The following TNFRSF8 variants were observed in gnomAD, a reference collection of about 807,000 sequenced individuals.
TNFRSF8 encodes tumor necrosis factor receptor superfamily member 8.
TNFRSF8 carries 26 observed loss-of-function variants against 70.8 expected under a neutral mutation model. The observed-to-expected ratio is 0.37, with a 90% CI of 0.27 to 0.51. The LOEUF is 0.51. Ranked by LOEUF, TNFRSF8 falls within the 20% of genes least tolerant of loss-of-function variation. The pLI is 0.94. For missense variants in TNFRSF8, 720 were observed against 807.9 expected (o/e 0.89, Z 1.32); for synonymous variants, 356 against 339.2 (o/e 1.05, Z -0.54).
rs11569874 is a variant in TNFRSF8 at position 12,109,938 on chromosome 1, A to G, written c.513-103A>G. 4,547 of 1,421,642 alleles carry G rather than the reference A, an allele frequency of 3.2e-3. 140 individuals are homozygous for G. The African/African-American group carries it at 0.057, about 18-fold the overall frequency. The allele number at this position is 1,421,642 out of a possible 1,614,324, so 88.1% of individuals were successfully genotyped here. A position where few individuals can be genotyped will look rare whatever the true frequency, so the allele number is the denominator to read the frequency against. ...GTGGGCCCGCCAGAGGCAGTGGGCC[A>G]AGGGCCTGGGACCCCATCTCTGTGG... is the stretch of plus-strand genomic sequence containing the variant. On this transcript the variant is annotated intron_variant, in intron 5 of 14. Transcript: ENST00000263932. This position sits in a 1 kb window ranked among gnomAD's most constrained non-coding sequence, Gnocchi z 4.4.
rs1383212967 is a variant in TNFRSF8 at position 12,141,337 on chromosome 1, G to A, written c.1544-950G>A. 3.9e-5 allele frequency among the ~76,000 whole-genome samples: 6 copies of A among 152,180 alleles called. No individual in the cohort carries two copies. The highest frequency in any genetic ancestry group is 4.1e-4 in the South Asian group (2 of 4,824). On this transcript the variant is annotated intron_variant, in intron 14 of 14. Transcript: ENST00000263932. This position sits in a 1 kb window ranked among gnomAD's most constrained non-coding sequence, Gnocchi z 5.4. ...CTGAGCCAGACACCATCAGCTGGGC[G>A]GAGGCCAGGCTTCCCCACTCCCCAG...
At chr1:12,123,684 C>T in intron 9 of TNFRSF8, 31 bp from the exon 10 acceptor site, 1 of 1,525,704 alleles carries the variant, frequency 6.6e-7, no homozygotes, top group Non-Finnish European at 8.9e-7. Context: ...TTCCCATCTT[C>T]ATCACTCCTG....
intron 3 of TNFRSF8, among the ~76,000 whole-genome samples, chr1:12,097,803 A>G (rs985665284): frequency 6.6e-6 from 1 of 152,182 alleles, no homozygotes; most frequent in Admixed American, 6.6e-5. Flanking sequence ...AATAAATAAT[A>G]AATGATCATG....
At chr1:12,122,740 C>T (rs1464452027) in intron 8 of TNFRSF8, among the ~76,000 whole-genome samples, 1 of 152,004 alleles carries the variant, frequency 6.6e-6, no homozygotes, top group Non-Finnish European at 1.5e-5. Flanking sequence ...AAACATTAGG[C>T]GATTTCAGTT....
Position 12,142,524 on chromosome 1 carries a change from G to A in TNFRSF8, c.1781G>A (p.Gly594Glu). ...KEDPLPTAAS[G>E]K Reference sequence around the variant, plus strand: ...GACCCCTTGCCCACAGCTGCCTCTGGAAAGTGAGGCCTGGGCTGGGCTGGG... The same window carrying A: ...GACCCCTTGCCCACAGCTGCCTCTGAAAAGTGAGGCCTGGGCTGGGCTGGG... The change falls in exon 15 of 15, where the codon GGA becomes GAA. Residue 594 changes from glycine to glutamate, a missense_variant. Physicochemically the swap from Gly to Glu is moderately conservative, Grantham distance 98 (BLOSUM62 -2). Transcript: ENST00000263932. The surrounding 1 kb of genome is among the most constrained non-coding windows in gnomAD (Gnocchi z 5.0). 6.4e-7 allele frequency: 1 copy of A among 1,567,188 alleles called. No individual in the cohort carries two copies. The highest frequency in any genetic ancestry group is 8.7e-7 in the Non-Finnish European group (1 of 1,156,022).
At chr1:12,075,251 A>AT (rs529160161) in intron 1 of TNFRSF8, among the ~76,000 whole-genome samples, 52,073 of 143,558 alleles carry the variant, frequency 0.36, 9,718 homozygotes, top group Admixed American at 0.51. Context: ...CAAAAAAAAA[A>AT]TTTTTTTTTT....
At chr1:12,081,944 CCTCTTGCCTCACTTCCTGCTTCCCTT>C (rs1259771455) in intron 1 of TNFRSF8, among the ~76,000 whole-genome samples, 15,676 of 149,862 alleles carry the variant, frequency 0.1, 1,874 homozygotes, top group African/African-American at 0.16. Flanking sequence ...TTCCTCCCTG[CCTCTTGCCTCACTTCCTGCTTCCCTT>C]CTCTTGCCTC....
chr1:12,104,677 GAT>G (rs1641489207), intron 4 of TNFRSF8, 146 bp downstream of exon 4: 1 of 1,031,430 alleles, frequency 9.7e-7, no homozygotes. Flanking sequence ...ATGGGCCAGG[GAT>G]GTACCCAGCA....
intron 2 of TNFRSF8, among the ~76,000 whole-genome samples, chr1:12,084,943 A>T (rs1024666380): frequency 3.3e-5 from 5 of 152,156 alleles, no homozygotes; most frequent in Admixed American, 2.6e-4. Context: ...GTTAAGTTCC[A>T]GCTACTTCCC....
At chr1:12,102,781 C>T (rs916047677) in intron 3 of TNFRSF8, among the ~76,000 whole-genome samples, 1 of 152,168 alleles carries the variant, frequency 6.6e-6, no homozygotes, top group Admixed American at 6.5e-5. Context: ...CCACCTCGGC[C>T]TCCCAAAGTG....
chr1:12,117,049 G>A (rs1043383417), intron 8 of TNFRSF8, among the ~76,000 whole-genome samples: 2 of 152,122 alleles, frequency 1.3e-5, no homozygotes, highest in Non-Finnish European at 2.9e-5. Context: ...TTGCACAGAT[G>A]ATGCCTGAGT....
chr1:12,095,971 G>A (rs1329269933), intron 2 of TNFRSF8, among the ~76,000 whole-genome samples: 1 of 152,212 alleles, frequency 6.6e-6, no homozygotes, highest in East Asian at 1.9e-4. Flanking sequence ...TGATGACCTG[G>A]GCAGCTCTGG....
intron 8 of TNFRSF8, among the ~76,000 whole-genome samples, chr1:12,117,047 A>G (rs1484570462): frequency 6.6e-6 from 1 of 152,126 alleles, no homozygotes; most frequent in Non-Finnish European, 1.5e-5. Flanking sequence ...GTTTGCACAG[A>G]TGATGCCTGA....
intron 2 of TNFRSF8, among the ~76,000 whole-genome samples, chr1:12,092,313 A>T (rs1234169999): frequency 6.6e-6 from 1 of 151,618 alleles, no homozygotes; most frequent in Non-Finnish European, 1.5e-5. Flanking sequence ...CTGAGTAGCT[A>T]GGAGTACAAT....
intron 13 of TNFRSF8, among the ~76,000 whole-genome samples, chr1:12,136,852 T>G (rs1281225801): frequency 1.3e-5 from 2 of 150,120 alleles, no homozygotes; most frequent in Non-Finnish European, 3.0e-5. Context: ...GAATTTCCAC[T>G]TTGAAAAATA....
chr1:12,132,882 G>A (rs1268427970), intron 12 of TNFRSF8, among the ~76,000 whole-genome samples: 1 of 150,750 alleles, frequency 6.6e-6, no homozygotes. Context: ...TTTACCACTG[G>A]GCACCTTCAC....
intron 12 of TNFRSF8, among the ~76,000 whole-genome samples, chr1:12,128,227 C>A (rs967555438): frequency 5.9e-5 from 9 of 152,244 alleles, no homozygotes; most frequent in African/African-American, 2.2e-4. Context: ...TGTTCTAGCT[C>A]CCTCCAAGCT....
intron 14 of TNFRSF8, among the ~76,000 whole-genome samples, chr1:12,140,537 G>A (rs1328900120): frequency 6.6e-6 from 1 of 152,178 alleles, no homozygotes; most frequent in East Asian, 1.9e-4. Flanking sequence ...CACCCCCACA[G>A]CCTGGGGAGT....
chr1:12,094,001 G>T (rs549666659), intron 2 of TNFRSF8, among the ~76,000 whole-genome samples: 1 of 147,692 alleles, frequency 6.8e-6, no homozygotes, highest in African/African-American at 2.5e-5. Flanking sequence ...GGAGGTTGCA[G>T]TGAGCTGAGA....
Sources: gnomAD v4.1 joint callset for allele counts (sites outside exome capture counted in the v4.1 genomes callset) on GRCh38, gnomAD v4.1.1 for gene constraint, Gnocchi (gnomAD v3.1) non-coding constraint, MANE v1.5 for transcripts, NCBI Gene and HGNC (gene_info 2026-07-23, HGNC 2026-07-21) for gene names.